Variants in PRKN observed in about 807,000 individuals in gnomAD.
PRKN encodes the protein E3 ubiquitin-protein ligase parkin.
A neutral mutation model predicts 59.5 loss-of-function variants in PRKN; 56 were observed. The observed-to-expected ratio is 0.94, with a 90% CI of 0.76 to 1.18. PRKN has a LOEUF of 1.18. PRKN is among the 50% of genes most tolerant of loss of function. PRKN has a pLI of 0.00. For missense variants in PRKN, 657 were observed against 596.4 expected, an observed-to-expected ratio of 1.10 and a Z score of -1.06; for synonymous variants, 250 against 222.1, an observed-to-expected ratio of 1.13 and a Z score of -1.12.
Position 162,050,974 on chromosome 6 carries a change from T to C in PRKN, c.618+3117A>G, listed in dbSNP as rs536799718. Among the ~76,000 whole-genome samples, 5 of 152,262 alleles carry C rather than the reference T, an allele frequency of 3.3e-5. 1 individual carries two copies. In the South Asian group the frequency reaches 1.0e-3, roughly 32 times the overall value. ...AGGCCTGGAGAAGCAGCAGCCATTA[T>C]TTACTGCCAGAAAATTCACGAGGCA... is the stretch of plus-strand genomic sequence containing the variant. On this transcript the variant is annotated intron_variant, in intron 5 of 11. Transcript: ENST00000366898.
At chr6:162,677,400 G>A (rs1779594041) in intron 1 of PRKN, among the ~76,000 whole-genome samples, 1 of 142,938 alleles carries the variant, frequency 7.0e-6, no homozygotes, top group Admixed American at 7.4e-5. Context: ...TCACTTCCAG[G>A]TACTTGGTTA....
At chr6:162,312,587 T>A (rs1461548679) in intron 2 of PRKN, among the ~76,000 whole-genome samples, 1 of 152,122 alleles carries the variant, frequency 6.6e-6, no homozygotes, top group East Asian at 1.9e-4. Flanking sequence ...AGGAGAAATG[T>A]GTGGGATGAC....
chr6:162,709,839 T>C (rs1298542730), intron 1 of PRKN, among the ~76,000 whole-genome samples: 2 of 136,246 alleles, frequency 1.5e-5, no homozygotes, highest in Non-Finnish European at 3.1e-5. Flanking sequence ...GGTCCAGGAA[T>C]ATAAAAAAAT....
intron 1 of PRKN, among the ~76,000 whole-genome samples, chr6:162,620,573 C>A (rs192725361): frequency 1.3e-3 from 191 of 152,208 alleles, no homozygotes; most frequent in African/African-American, 4.4e-3. Context: ...AGTTTCAGGC[C>A]TTCATGTATT....
chr6:162,068,608 C>T (rs549044039), intron 4 of PRKN, among the ~76,000 whole-genome samples: 8 of 152,176 alleles, frequency 5.3e-5, no homozygotes, highest in Non-Finnish European at 7.3e-5. Flanking sequence ...GGCCTCCTGC[C>T]GTTCCTTGCC....
In PRKN at chr6:161,785,673, C is replaced by A. The variant is rs557238247; in HGVS notation, c.871+99G>T. The A allele has an allele frequency of 1.2e-5, 14 of 1,130,104 alleles. No homozygotes were observed. In the East Asian group the frequency reaches 3.5e-4, roughly 28 times the overall value. The allele number at this position is 1,130,104 out of a possible 1,614,324, so 70.0% of individuals were successfully genotyped here. ...CAGCAATGATCAAATTTAAATTCTT[C>A]TGCTAGGGTTTACGTATATCTAAGC... On this transcript the variant is annotated intron_variant, in intron 7 of 11. Coordinates refer to ENST00000366898, the MANE Select transcript of PRKN (RefSeq NM_004562.3).
At chr6:161,759,764 A>G (rs1789112893) in intron 7 of PRKN, among the ~76,000 whole-genome samples, 1 of 152,168 alleles carries the variant, frequency 6.6e-6, no homozygotes, top group African/African-American at 2.4e-5. Context: ...TGTACAGCCA[A>G]TGGTCACCAC....
intron 4 of PRKN, among the ~76,000 whole-genome samples, chr6:162,077,073 GT>G (rs1401575342): frequency 6.6e-6 from 1 of 152,014 alleles, no homozygotes; most frequent in Admixed American, 6.6e-5. Flanking sequence ...CTGCAAACCC[GT>G]GCTCAGATTC....
intron 2 of PRKN, among the ~76,000 whole-genome samples, chr6:162,307,415 A>C (rs549609629): frequency 1.7e-4 from 26 of 151,218 alleles, no homozygotes; most frequent in African/African-American, 4.1e-4. Context: ...AAAAAAAAAA[A>C]AAACACCAAC....
At chr6:161,691,682 C>T (rs1408136434) in intron 7 of PRKN, among the ~76,000 whole-genome samples, 1 of 152,026 alleles carries the variant, frequency 6.6e-6, no homozygotes, top group African/African-American at 2.4e-5. Flanking sequence ...AGTAAGATCA[C>T]CAACAAAAAG....
chr6:162,273,723 C>T (rs1394484313), intron 2 of PRKN, among the ~76,000 whole-genome samples: 1 of 152,156 alleles, frequency 6.6e-6, no homozygotes, highest in African/African-American at 2.4e-5. Flanking sequence ...AAATCCAATT[C>T]ATTGAGGGGA....
At chr6:161,512,142 G>T (rs1778415546) in intron 9 of PRKN, among the ~76,000 whole-genome samples, 1 of 152,200 alleles carries the variant, frequency 6.6e-6, no homozygotes, top group African/African-American at 2.4e-5. Flanking sequence ...ATGGAAAGAG[G>T]TCTACAAAGA....
At chr6:162,296,560 TC>T (rs1261621394) in intron 2 of PRKN, among the ~76,000 whole-genome samples, 1 of 152,092 alleles carries the variant, frequency 6.6e-6, no homozygotes, top group East Asian at 1.9e-4. Flanking sequence ...TATTTCTTAC[TC>T]CACAACTATC....
At chr6:161,912,071 G>T (rs979664406) in intron 6 of PRKN, among the ~76,000 whole-genome samples, 71 of 151,926 alleles carry the variant, frequency 4.7e-4, no homozygotes, top group Middle Eastern at 3.4e-3. Context: ...CCAACTACTT[G>T]GGAGGCTGAG....
intron 7 of PRKN, among the ~76,000 whole-genome samples, chr6:161,619,340 T>A (rs1462015046): frequency 1.5e-5 from 2 of 129,034 alleles, no homozygotes; most frequent in South Asian, 4.8e-4. Flanking sequence ...TTTTTTTTTT[T>A]CTTCTCCTTA....
At chr6:161,825,594 C>T (rs1309581936) in intron 6 of PRKN, among the ~76,000 whole-genome samples, 1 of 152,166 alleles carries the variant, frequency 6.6e-6, no homozygotes, top group East Asian at 1.9e-4. Context: ...AGGGACTTTT[C>T]AGCATGGAGC....
intron 5 of PRKN, among the ~76,000 whole-genome samples, chr6:161,989,893 C>G (rs539408267): frequency 1.3e-5 from 2 of 152,210 alleles, no homozygotes; most frequent in South Asian, 4.2e-4. Flanking sequence ...CCCACTCAGC[C>G]GGCTGCCATC....
At chr6:161,962,871 A>G (rs1162841265) in intron 6 of PRKN, among the ~76,000 whole-genome samples, 1 of 150,518 alleles carries the variant, frequency 6.6e-6, no homozygotes, top group Non-Finnish European at 1.5e-5. Context: ...CAGGCCAGGC[A>G]TGGTGGCTCA....
rs375002639 is a variant in PRKN, at chr6:161,361,845, C to T, written c.1168-1640G>A. Among the ~76,000 whole-genome samples the T allele has an allele frequency of 2.0e-5, 3 of 152,304 alleles. No individual in the cohort carries two copies. Among genetic ancestry groups the T allele is most frequent in the East Asian group, 1.9e-4 (1 of 5,188 alleles). ...ACTCACGGCAGAGGCCCAGTGAGGG[C>T]GCTGTGGTTAGTGAGGGCCATTTCA... On this transcript the variant is annotated intron_variant, in intron 10 of 11. Coordinates refer to ENST00000366898, the MANE Select transcript of PRKN (RefSeq NM_004562.3). This position sits in a 1 kb window ranked among gnomAD's most constrained non-coding sequence, Gnocchi z 5.2.
Sources: gnomAD v4.1 joint callset for allele counts (sites outside exome capture counted in the v4.1 genomes callset) on GRCh38, gnomAD v4.1.1 for gene constraint, Gnocchi (gnomAD v3.1) non-coding constraint, MANE v1.5 for transcripts, NCBI Gene and HGNC (gene_info 2026-07-23, HGNC 2026-07-21) for gene names.